The following AREG variants were observed in gnomAD, a reference collection of about 807,000 sequenced individuals.
The protein encoded by AREG is amphiregulin, also known as amphiregulin B.
Under a neutral mutation model 28.0 loss-of-function variants are expected in AREG, and 16 were observed. That is an observed-to-expected ratio of 0.57 (90% CI 0.39 to 0.87). The LOEUF (loss-of-function observed/expected upper bound fraction) is 0.87. Among genes scored for constraint, AREG ranks in the 40% least tolerant of loss-of-function variants. The pLI is 0.00. For missense variants in AREG, 287 were observed against 309.1 expected (o/e 0.93, Z 0.53); for synonymous variants, 113 against 113.5 (o/e 1.00, Z 0.02).
intron 3 of AREG, 126 bp downstream of exon 3, chr4:74,449,374 C>G (rs1276073501): frequency 6.6e-7 from 1 of 1,505,574 alleles, no homozygotes; most frequent in Non-Finnish European, 9.0e-7. Context: ...GTTAAAGCAC[C>G]AGATAGTAAA....
chr4:74,445,370 G>A lies in AREG; in HGVS notation c.25G>A (p.Ala9Thr). Residue 9 changes from alanine to threonine, a missense_variant, in exon 1 of 6, where the codon GCG (alanine) becomes ACG (threonine). Ala to Thr is a moderately conservative substitution (Grantham distance 58). Transcript: ENST00000395748. Reference protein sequence around the residue: MRAPLLPPAPVVLSLLILG... With the variant: MRAPLLPPTPVVLSLLILG... Reference sequence around the variant, plus strand: ...AATGAGAGCCCCGCTGCTACCGCCGGCGCCGGTGGTGCTGTCGCTCTTGAT... The same window carrying A: ...AATGAGAGCCCCGCTGCTACCGCCGACGCCGGTGGTGCTGTCGCTCTTGAT... 6.2e-7 allele frequency: 1 copy of A among 1,610,854 alleles called. No individual in the cohort carries two copies.
rs751373903 is a variant in AREG at position 74,446,517 on chromosome 4, T to A, written c.62-17T>A. ...TACTTTACCTTTTCTTTTCTTCCTTTATTCCCTCCCCTGCAGGCCATTATG... is the reference window on the plus strand; with the variant it reads ...TACTTTACCTTTTCTTTTCTTCCTTAATTCCCTCCCCTGCAGGCCATTATG... On this transcript the variant is annotated splice_polypyrimidine_tract_variant and intron_variant, in intron 1 of 5. Coordinates refer to ENST00000395748, the MANE Select transcript of AREG (RefSeq NM_001657.4). 2 of 1,613,974 alleles carry A rather than the reference T, an allele frequency of 1.2e-6. No individual in the cohort carries two copies. Among genetic ancestry groups the A allele is most frequent in the African/African-American group, 2.7e-5 (2 of 75,052 alleles).
chr4:74,452,537 T>G lies in AREG; in HGVS notation c.666-7T>G. 1 of 1,613,412 alleles carries G rather than the reference T, an allele frequency of 6.2e-7. No individual in the cohort carries two copies. The highest frequency in any genetic ancestry group is 8.5e-7 in the Non-Finnish European group (1 of 1,179,604). ...TTGATAACATTAGAATGCCTTGTTC[T>G]CTGAAGGCTTAGAAGACAATACGTC... On this transcript the variant is annotated splice_region_variant and splice_polypyrimidine_tract_variant and intron_variant, in intron 4 of 5. Coordinates refer to ENST00000395748, the MANE Select transcript of AREG (RefSeq NM_001657.4).
Position 74,455,003 on chromosome 4 carries a change from A to C in AREG, c.*263A>C, listed in dbSNP as rs2110414017. 1 of 569,092 alleles carries C rather than the reference A, an allele frequency of 1.8e-6. No individual in the cohort carries two copies. Among genetic ancestry groups the C allele is most frequent in the African/African-American group, 1.9e-5 (1 of 53,306 alleles). The allele number at this position is 569,092 out of a possible 1,614,324, so 35.3% of individuals were successfully genotyped here. A position where few individuals can be genotyped will look rare whatever the true frequency, so the allele number is the denominator to read the frequency against. ...TACAGCTCATTAAACTTTTTTAACCAAACAGATTGAGAGTTTGAATATTAG... is the reference window on the plus strand; with the variant it reads ...TACAGCTCATTAAACTTTTTTAACCCAACAGATTGAGAGTTTGAATATTAG... On this transcript the variant is annotated 3_prime_UTR_variant, in exon 6 of 6. Transcript: ENST00000395748.
chr4:74,450,094 A>G (rs1351991940), intron 3 of AREG, among the ~76,000 whole-genome samples: 1 of 152,196 alleles, frequency 6.6e-6, no homozygotes, highest in Non-Finnish European at 1.5e-5. Context: ...ATTGGAATGT[A>G]TCAACTGCAT....
chr4:74,448,088 T>TA (rs1719320881), intron 2 of AREG, among the ~76,000 whole-genome samples: 1 of 152,248 alleles, frequency 6.6e-6, no homozygotes, highest in African/African-American at 2.4e-5. Context: ...TCCATGATGT[T>TA]AGTGCTTATC....
intron 2 of AREG, 150 bp downstream of exon 2, chr4:74,446,932 C>T (rs1351295870): frequency 1.3e-6 from 2 of 1,519,698 alleles, no homozygotes; most frequent in Non-Finnish European, 1.8e-6. Context: ...ACAAAAAGAA[C>T]CATAATGTGG....
intron 5 of AREG, among the ~76,000 whole-genome samples, chr4:74,453,448 A>T (rs1379735188): frequency 6.6e-6 from 1 of 152,236 alleles, no homozygotes; most frequent in Non-Finnish European, 1.5e-5. Flanking sequence ...TATTTCGTTG[A>T]TAATGAAAGT....
intron 2 of AREG, among the ~76,000 whole-genome samples, chr4:74,447,841 G>A (rs1719318065): frequency 6.6e-6 from 1 of 152,162 alleles, no homozygotes; most frequent in South Asian, 2.1e-4. Context: ...CCTTCTCAAA[G>A]TGTGCTTTTC....
chr4:74,450,619 T>A, intron 4 of AREG, 87 bp downstream of exon 4: 1 of 1,503,850 alleles, frequency 6.6e-7, no homozygotes, highest in South Asian at 1.2e-5. Flanking sequence ...CTCTGGTATT[T>A]TAGATGAATT....
At position 74,445,321 on chromosome 4, in the gene AREG, G is replaced by C. The variant is rs772781019; in HGVS notation, c.-25G>C. ...CAGAGACCGAGTTGCCCCAGAGACC[G>C]AGACGCCGCCGCTGCGAAGGACCAA... On this transcript the variant is annotated 5_prime_UTR_variant, in exon 1 of 6. Coordinates refer to ENST00000395748, the MANE Select transcript of AREG (RefSeq NM_001657.4). 4 of 1,606,072 alleles carry C rather than the reference G, an allele frequency of 2.5e-6. No homozygotes were observed. The East Asian group carries it at 6.7e-5, about 27-fold the overall frequency.
chr4:74,446,856 AG>A, intron 2 of AREG, 74 bp downstream of exon 2: 5 of 1,611,576 alleles, frequency 3.1e-6, no homozygotes, highest in Non-Finnish European at 4.2e-6. Flanking sequence ...TCAGAAGTAA[AG>A]CTGCTCCCCA....
Position 74,446,667 on chromosome 4 carries a change from T to C in AREG, c.195T>C (p.Pro65=), listed in dbSNP as rs759675329. 13 of 1,613,968 alleles carry C rather than the reference T, an allele frequency of 8.1e-6. 1 individual carries two copies. In the South Asian group the frequency reaches 1.4e-4, roughly 18 times the overall value. Residue 65 remains proline, a synonymous_variant, in exon 2 of 6, where the codon CCT becomes CCC. Coordinates refer to ENST00000395748, the MANE Select transcript of AREG (RefSeq NM_001657.4). Reference sequence around the variant, plus strand: ...TGTCTTCAGGGAGTGAGATTTCCCCTGTGAGTGAAATGCCTTCTAGTAGTG... The same window carrying C: ...TGTCTTCAGGGAGTGAGATTTCCCCCGTGAGTGAAATGCCTTCTAGTAGTG... ...SEMSSGSEIS[P]VSEMPSSSEP...
chr4:74,445,301 AC>A lies in AREG; in HGVS notation c.-43del. The stretch of plus-strand genomic sequence containing the variant: ...TTTGGCGGCAGCTCGTGTCCCAGAG[AC>A]CGAGTTGCCCCAGAGACCGAGACGC... On this transcript the variant is annotated 5_prime_UTR_variant, in exon 1 of 6. Coordinates refer to ENST00000395748, the MANE Select transcript of AREG (RefSeq NM_001657.4). The A allele has an allele frequency of 3.8e-6, 6 of 1,597,746 alleles. No individual in the cohort carries two copies. The highest frequency in any genetic ancestry group is 5.1e-6 in the Non-Finnish European group (6 of 1,174,254).
intron 2 of AREG, among the ~76,000 whole-genome samples, chr4:74,447,832 C>T (rs1719318029): frequency 1.3e-5 from 2 of 152,120 alleles, no homozygotes; most frequent in Admixed American, 6.5e-5. Flanking sequence ...AATTCCCTTC[C>T]TTCTCAAAGT....
rs1052783001 is a variant in AREG at position 74,452,761 on chromosome 4, A to T, written c.*18+106A>T. 3.1e-5 allele frequency: 29 copies of T among 946,030 alleles called. No homozygotes were observed. In the East Asian group the frequency reaches 7.7e-4, roughly 25 times the overall value. 58.6% of individuals were successfully genotyped at this position (946,030 alleles called of 1,614,324 possible). ...GGAATGTGTTCTTAATTATATATAC[A>T]CTATGAACAATGGCTATGTTAAAGT... On this transcript the variant is annotated intron_variant, in intron 5 of 5. Coordinates refer to ENST00000395748, the MANE Select transcript of AREG (RefSeq NM_001657.4).
chr4:74,454,402 G>A (rs1025599740), intron 5 of AREG, among the ~76,000 whole-genome samples: 1 of 152,154 alleles, frequency 6.6e-6, no homozygotes, highest in African/African-American at 2.4e-5. Flanking sequence ...AATATGCTGA[G>A]ACAGTTAATC....
Position 74,445,334 on chromosome 4 carries a change from T to C in AREG, c.-12T>C, listed in dbSNP as rs7666350. On this transcript the variant is annotated 5_prime_UTR_variant, in exon 1 of 6. Transcript: ENST00000395748. ...GCCCCAGAGACCGAGACGCCGCCGC[T>C]GCGAAGGACCAATGAGAGCCCCGCT... is the stretch of plus-strand genomic sequence containing the variant. The C allele has an allele frequency of 0.013, 21,139 of 1,609,408 alleles. 1,766 individuals carry two copies. The African/African-American group carries it at 0.2, about 15-fold the overall frequency.
chr4:74,449,318 A>G, intron 3 of AREG, 70 bp downstream of exon 3: 1 of 1,603,960 alleles, frequency 6.2e-7, no homozygotes, highest in Non-Finnish European at 8.5e-7. Context: ...ACTGCAGGAA[A>G]CCATTTATTT....
Sources: allele counts gnomAD v4.1 joint callset (sites outside exome capture counted in the v4.1 genomes callset), GRCh38; gene constraint gnomAD v4.1.1; transcripts MANE v1.5; gene names NCBI Gene and HGNC (gene_info 2026-07-23, HGNC 2026-07-21).